The following FHOD3 variants were observed in gnomAD, a reference collection of about 807,000 sequenced individuals.
FHOD3 encodes FH1/FH2 domain-containing protein 3.
In FHOD3, 90 loss-of-function variants were observed where a neutral mutation model predicts 173.0. The observed-to-expected ratio is 0.52, with a 90% CI of 0.44 to 0.62. The LOEUF (loss-of-function observed/expected upper bound fraction) is 0.62, where lower values mean the gene tolerates loss of function less well. Among genes scored for constraint, FHOD3 ranks in the 20% least tolerant of loss-of-function variants. The pLI is 0.00. For missense variants in FHOD3, 1,945 were observed against 2,034.7 expected, an observed-to-expected ratio of 0.96 and a Z score of 0.85; for synonymous variants, 828 against 823.0, an observed-to-expected ratio of 1.01 and a Z score of -0.10.
At chr18:36,339,901 A>G (rs2045526804) in intron 1 of FHOD3, among the ~76,000 whole-genome samples, 1 of 152,186 alleles carries the variant, frequency 6.6e-6, no homozygotes. Flanking sequence ...GGTTTATGCT[A>G]CAAATTATGT....
At chr18:36,482,852 C>CAGAGAGAGAG (rs1261400888) in intron 3 of FHOD3, among the ~76,000 whole-genome samples, 7 of 101,150 alleles carry the variant, frequency 6.9e-5, no homozygotes, top group African/African-American at 2.8e-4. Context: ...CACACTCACA[C>CAGAGAGAGAG]ACACACAGAG....
intron 1 of FHOD3, among the ~76,000 whole-genome samples, chr18:36,355,299 G>A (rs1238334178): frequency 2.0e-5 from 3 of 152,164 alleles, no homozygotes; most frequent in African/African-American, 7.2e-5. Flanking sequence ...CTCCTTCAGT[G>A]GCTTAGGGCC....
chr18:36,638,041 T>C (rs1375561680), intron 10 of FHOD3, among the ~76,000 whole-genome samples: 2 of 152,204 alleles, frequency 1.3e-5, no homozygotes, highest in African/African-American at 4.8e-5. Context: ...ATAACAGTGG[T>C]TATTTCTGGT....
rs183744785 is a variant in FHOD3 at position 36,406,505 on chromosome 18, G to C, written c.337+33761G>C. The stretch of plus-strand genomic sequence containing the variant: ...GATTAGGAGTGGTTGGGGGTGGGGA[G>C]AGAGGGATGCAAATGCCTTTTACAG... On this transcript the variant is annotated intron_variant, in intron 3 of 28. Transcript: ENST00000590592. 3.4e-3 allele frequency among the ~76,000 whole-genome samples: 521 copies of C among 152,270 alleles called. 2 individuals carry two copies. Among genetic ancestry groups the C allele is most frequent in the African/African-American group, 0.012 (489 of 41,562 alleles).
chr18:36,572,730 T>C (rs1487208185), intron 5 of FHOD3, among the ~76,000 whole-genome samples: 1 of 151,354 alleles, frequency 6.6e-6, no homozygotes, highest in Non-Finnish European at 1.5e-5. Context: ...CCTGAGCTCT[T>C]GGGGGGAGGC....
chr18:36,462,021 T>C (rs2052585261), intron 3 of FHOD3, among the ~76,000 whole-genome samples: 1 of 152,322 alleles, frequency 6.6e-6, no homozygotes, highest in African/African-American at 2.4e-5. Context: ...TGTAGAATAA[T>C]ATGCAAAAGT....
intron 5 of FHOD3, among the ~76,000 whole-genome samples, chr18:36,573,166 A>G (rs2058516279): frequency 6.8e-6 from 1 of 147,732 alleles, no homozygotes; most frequent in Non-Finnish European, 1.5e-5. Flanking sequence ...TTTTTTTTTA[A>G]CATATTTTAC....
intron 5 of FHOD3, among the ~76,000 whole-genome samples, chr18:36,575,704 G>A (rs1167709484): frequency 6.6e-6 from 1 of 152,142 alleles, no homozygotes; most frequent in Non-Finnish European, 1.5e-5. Context: ...TGTAACTTCT[G>A]TTTGTTCATT....
intron 10 of FHOD3, among the ~76,000 whole-genome samples, chr18:36,648,673 A>C (rs1423470420): frequency 6.6e-6 from 1 of 152,034 alleles, no homozygotes. Flanking sequence ...GTACCAGGAG[A>C]AACCCCAGGT....
intron 3 of FHOD3, among the ~76,000 whole-genome samples, chr18:36,435,389 C>A (rs953897942): frequency 5.3e-5 from 8 of 151,972 alleles, no homozygotes; most frequent in Non-Finnish European, 1.0e-4. Flanking sequence ...AAAAATAATT[C>A]TTTGAAAGAA....
chr18:36,455,112 G>A (rs534167284), intron 3 of FHOD3, among the ~76,000 whole-genome samples: 31 of 152,300 alleles, frequency 2.0e-4, no homozygotes, highest in African/African-American at 5.3e-4. Context: ...TGTCAGCAAC[G>A]TTTCTGAAAT....
At chr18:36,318,545 A>C (rs2044242031) in intron 1 of FHOD3, among the ~76,000 whole-genome samples, 1 of 152,234 alleles carries the variant, frequency 6.6e-6, no homozygotes, top group South Asian at 2.1e-4. Context: ...GTTGGTGTAT[A>C]GGAATGCTTG....
intron 5 of FHOD3, among the ~76,000 whole-genome samples, chr18:36,550,118 A>G (rs2057584791): frequency 6.6e-6 from 1 of 151,524 alleles, no homozygotes; most frequent in Non-Finnish European, 1.5e-5. Flanking sequence ...GTATCTAGAG[A>G]AAACTGCCTT....
At chr18:36,374,647 G>T (rs1391210350) in intron 3 of FHOD3, among the ~76,000 whole-genome samples, 1 of 152,196 alleles carries the variant, frequency 6.6e-6, no homozygotes, top group Admixed American at 6.5e-5. Flanking sequence ...AGCATCTTCA[G>T]CTCCGCTGGA....
intron 1 of FHOD3, among the ~76,000 whole-genome samples, chr18:36,347,492 A>G (rs1160705339): frequency 6.6e-6 from 1 of 152,200 alleles, no homozygotes. Context: ...GCTTAAGTCA[A>G]TTTCAAGACA....
chr18:36,703,736 A>G (rs2039713813), intron 17 of FHOD3, among the ~76,000 whole-genome samples: 1 of 152,200 alleles, frequency 6.6e-6, no homozygotes, highest in African/African-American at 2.4e-5. Context: ...GACTTCATAC[A>G]GGGACCAGCT....
chr18:36,501,968 G>A lies in FHOD3; in HGVS notation c.374G>A (p.Arg125Lys). The change falls in exon 4 of 29, where the codon AGG (arginine) becomes AAG (lysine). Residue 125 changes from arginine to lysine, a missense_variant. This residue lies in a region of FHOD3 where 245 missense variants were observed against 267.7 expected (regional missense o/e 0.92). Transcript: ENST00000590592. Reference protein sequence around the residue: ...LYNSSGRDLRRALFSLKQIFQ... With the variant: ...LYNSSGRDLRKALFSLKQIFQ... ...AACTCCAGCGGACGAGATTTGAGAA[G>A]GGCCCTCTTCTCCCTGAAGCAGATA... 1 of 1,606,696 alleles carries A rather than the reference G, an allele frequency of 6.2e-7. No individual in the cohort carries two copies. The highest frequency in any genetic ancestry group is 8.5e-7 in the Non-Finnish European group (1 of 1,175,894).
chr18:36,649,224 TG>T, intron 10 of FHOD3, 91 bp from the exon 11 acceptor site: 1 of 783,790 alleles, frequency 1.3e-6, no homozygotes, highest in Non-Finnish European at 2.0e-6. Flanking sequence ...TTGTTGTTGT[TG>T]TTTTTGCTTC....
intron 5 of FHOD3, among the ~76,000 whole-genome samples, chr18:36,532,603 C>T (rs147606738): frequency 6.6e-6 from 1 of 152,282 alleles, no homozygotes; most frequent in African/African-American, 2.4e-5. Context: ...GAAACCGAAG[C>T]TCTTCCAAGA....
Sources: gnomAD v4.1 joint callset for allele counts (sites outside exome capture counted in the v4.1 genomes callset) on GRCh38, gnomAD v4.1.1 for gene constraint, gnomAD v4.1.1 regional missense constraint, MANE v1.5 for transcripts, NCBI Gene and HGNC (gene_info 2026-07-23, HGNC 2026-07-21) for gene names.